The following SEPTIN11 variants were observed in gnomAD, a reference collection of about 807,000 sequenced individuals.
SEPTIN11 encodes septin 11.
SEPTIN11 carries 25 observed loss-of-function variants against 51.4 expected under a neutral mutation model. The observed-to-expected ratio is 0.49, with a 90% CI of 0.35 to 0.68. SEPTIN11 has a LOEUF of 0.68. Ranked by LOEUF, SEPTIN11 falls within the 30% of genes least tolerant of loss-of-function variation. SEPTIN11 has a pLI of 0.00. For synonymous variants in SEPTIN11, 174 were observed against 184.1 expected (o/e 0.95, Z 0.44); for missense variants, 381 against 520.8 (o/e 0.73, Z 2.61).
chr4:77,028,537 G>A, intron 7 of SEPTIN11, 92 bp from the exon 8 acceptor site: 1 of 1,353,946 alleles, frequency 7.4e-7, no homozygotes, highest in East Asian at 2.4e-5. Context: ...CTTTATCTAT[G>A]TTTTGAAAGT....
At chr4:77,014,662 A>C (rs575834617) in intron 4 of SEPTIN11, among the ~76,000 whole-genome samples, 194 bp from the exon 5 acceptor site, 403 of 22,412 alleles carry the variant, frequency 0.018, 1 homozygote, top group African/African-American at 0.061. Context: ...TCTCTACCCC[A>C]AAAAAAAAAA....
chr4:77,020,440 T>C, intron 6 of SEPTIN11, 62 bp from the exon 7 acceptor site: 2 of 1,574,132 alleles, frequency 1.3e-6, no homozygotes, highest in Non-Finnish European at 1.7e-6. Context: ...GAAGCATCAC[T>C]GCAGATATTT....
chr4:76,997,664 T>G (rs1438733167), intron 2 of SEPTIN11, among the ~76,000 whole-genome samples: 1 of 152,140 alleles, frequency 6.6e-6, no homozygotes, highest in African/African-American at 2.4e-5. Flanking sequence ...TTTCCCCTTT[T>G]CCCTACGTGA....
In SEPTIN11 at chr4:77,035,469, T is replaced by G; in HGVS notation, c.*957T>G. 1 of 985,408 alleles carries G rather than the reference T, an allele frequency of 1.0e-6. No individual in the cohort carries two copies. The highest frequency in any genetic ancestry group is 1.7e-5 in the African/African-American group (1 of 57,356). The allele number at this position is 985,408 out of a possible 1,614,324, so 61.0% of individuals were successfully genotyped here. On this transcript the variant is annotated 3_prime_UTR_variant, in exon 10 of 10. Transcript: ENST00000264893. ...ATCATGAGAAAATTTCCACAGATAC[T>G]TCCCTTAGAAAATTTGCTATAAACT...
downstream of SEPTIN11, chr4:77,039,717 A>G (rs1236503313): frequency 7.1e-6 from 7 of 984,610 alleles, no homozygotes; most frequent in African/African-American, 1.8e-5. Context: ...GGAGTGTTCT[A>G]TTGATACAAT....
intron 1 of SEPTIN11, among the ~76,000 whole-genome samples, chr4:76,991,110 A>T (rs1454779884): frequency 6.6e-6 from 1 of 152,190 alleles, no homozygotes; most frequent in Non-Finnish European, 1.5e-5. Flanking sequence ...GCTGTAATAG[A>T]ACTTCTGATT....
At chr4:76,995,552 A>C (rs6836567) in intron 1 of SEPTIN11, among the ~76,000 whole-genome samples, 79,220 of 151,910 alleles carry the variant, frequency 0.52, 21,584 homozygotes, top group Middle Eastern at 0.62. Context: ...CTAATTTCTG[A>C]AATTGCAAAC....
intron 2 of SEPTIN11, among the ~76,000 whole-genome samples, chr4:76,997,734 G>A (rs184495834): frequency 6.6e-6 from 1 of 152,344 alleles, no homozygotes; most frequent in East Asian, 1.9e-4. Context: ...AGAGTGGCGT[G>A]AATGGGTTGT....
chr4:77,016,627 T>C (rs1345946848), intron 5 of SEPTIN11, among the ~76,000 whole-genome samples: 3 of 74,690 alleles, frequency 4.0e-5, no homozygotes, highest in East Asian at 3.7e-4. Context: ...TATATATATA[T>C]ATACACATAT....
At chr4:76,973,183 GC>G (rs560236027) in intron 1 of SEPTIN11, 87 of 152,314 alleles carry the variant, frequency 5.7e-4, no homozygotes, top group Middle Eastern at 3.4e-3. Context: ...ATCACTCAAA[GC>G]CTGTGTGGGG....
At chr4:76,967,801 G>A (rs758974260) in intron 1 of SEPTIN11, among the ~76,000 whole-genome samples, 1 of 150,900 alleles carries the variant, frequency 6.6e-6, no homozygotes, top group Non-Finnish European at 1.5e-5. Context: ...TAAGCTTTTT[G>A]TGTGTGCAGA....
chr4:76,962,092 G>T (rs1721848301), intron 1 of SEPTIN11, among the ~76,000 whole-genome samples: 1 of 152,160 alleles, frequency 6.6e-6, no homozygotes, highest in African/African-American at 2.4e-5. Flanking sequence ...AAAAGTTGGA[G>T]CAAAAATTGT....
intron 1 of SEPTIN11, among the ~76,000 whole-genome samples, chr4:76,956,996 G>GTGTGTGTGTGTA (rs1560691551): frequency 4.0e-5 from 3 of 74,860 alleles, no homozygotes; most frequent in African/African-American, 1.2e-4. Context: ...GTGTGTGTGA[G>GTGTGTGTGTGTA]AGAGAGAGAG....
intron 5 of SEPTIN11, 23 bp downstream of exon 5, chr4:77,015,040 A>G: frequency 6.2e-7 from 1 of 1,608,230 alleles, no homozygotes; most frequent in Non-Finnish European, 8.5e-7. Flanking sequence ...GTCAAATGGG[A>G]ACAAGTGATT....
At position 76,995,120 on chromosome 4, in the gene SEPTIN11, A is replaced by G. The variant is rs539538566; in HGVS notation, c.28-1305A>G. On this transcript the variant is annotated intron_variant, in intron 1 of 9. Transcript: ENST00000264893. Reference sequence around the variant, plus strand: ...AAAAAATGGCTGGGTGTGGTGGCTCATGCCTGTAATCCCAGCACTTTGGGA... The same window carrying G: ...AAAAAATGGCTGGGTGTGGTGGCTCGTGCCTGTAATCCCAGCACTTTGGGA... 7.4e-5 allele frequency among the ~76,000 whole-genome samples: 11 copies of G among 148,378 alleles called. No individual in the cohort carries two copies. In the South Asian group the frequency reaches 2.1e-3, roughly 28 times the overall value.
At chr4:76,961,247 C>G (rs1393071118) in intron 1 of SEPTIN11, among the ~76,000 whole-genome samples, 1 of 152,126 alleles carries the variant, frequency 6.6e-6, no homozygotes, top group Non-Finnish European at 1.5e-5. Flanking sequence ...GAAAGGTAAC[C>G]TCCAGCTTTT....
Position 77,024,159 on chromosome 4 carries a change from C to T in SEPTIN11, c.953+3489C>T, listed in dbSNP as rs969703796. ...GTGAGGCAAAAGGAGGAGTAGCGCG[C>T]GCACAGAAACGCCGTATTCAAGCCT... On this transcript the variant is annotated intron_variant, in intron 7 of 9. Transcript: ENST00000264893. This position sits in a 1 kb window ranked among gnomAD's most constrained non-coding sequence, Gnocchi z 4.2. Among the ~76,000 whole-genome samples, 2 of 152,108 alleles carry T rather than the reference C, an allele frequency of 1.3e-5. No homozygotes were observed. The highest frequency in any genetic ancestry group is 2.4e-5 in the African/African-American group (1 of 41,426).
At chr4:76,990,895 T>C (rs1024071352) in intron 1 of SEPTIN11, among the ~76,000 whole-genome samples, 5 of 152,244 alleles carry the variant, frequency 3.3e-5, no homozygotes, top group Admixed American at 6.5e-5. Context: ...TGCTAACTGC[T>C]GATTCTGCAA....
intron 7 of SEPTIN11, among the ~76,000 whole-genome samples, chr4:77,023,302 A>AATAT (rs1553976963): frequency 3.5e-5 from 5 of 143,934 alleles, no homozygotes; most frequent in African/African-American, 1.3e-4. Flanking sequence ...ACACACACAC[A>AATAT]ATATATATAT....
Sources: allele counts gnomAD v4.1 joint callset (sites outside exome capture counted in the v4.1 genomes callset), GRCh38; gene constraint gnomAD v4.1.1; non-coding constraint Gnocchi (gnomAD v3.1); transcripts MANE v1.5; gene names NCBI Gene and HGNC (gene_info 2026-07-23, HGNC 2026-07-21).